The following DCHS2 variants were observed in gnomAD, a reference collection of about 807,000 sequenced individuals.
DCHS2 encodes protocadherin-23.
A neutral mutation model predicts 182.4 loss-of-function variants in DCHS2; 142 were observed. That is an observed-to-expected ratio of 0.78 (90% CI 0.68 to 0.89). DCHS2 has a LOEUF of 0.89. DCHS2 is among the 40% of genes least tolerant of loss of function. The pLI, the probability that DCHS2 is intolerant of heterozygous loss-of-function variation, is 0.00. For missense variants in DCHS2, 4,319 were observed against 4,198.6 expected (o/e 1.03, Z -0.79); for synonymous variants, 1,740 against 1,663.3 (o/e 1.05, Z -1.12).
rs115444341 is a variant in DCHS2, at chr4:154,410,252, T to C, written c.2053-32808A>G. ...TCAGCAACATACAAGAGAATACAGA[T>C]AGAAAATTCAATAAAATCAAGAAAA... On this transcript the variant is annotated intron_variant, in intron 1 of 19. Transcript: ENST00000357232. Among the ~76,000 whole-genome samples the C allele has an allele frequency of 6.8e-3, 1,030 of 151,782 alleles. 9 individuals are homozygous for C. The highest frequency in any genetic ancestry group is 0.024 in the African/African-American group (977 of 41,392).
intron 13 of DCHS2, chr4:154,272,145 C>A (rs1388962162): frequency 2.0e-5 from 3 of 151,972 alleles, no homozygotes; most frequent in Admixed American, 2.0e-4. Context: ...TGGAAAACCA[C>A]AATTTCTTTT....
In DCHS2 at chr4:154,233,113, C is replaced by CCTAA. The variant is rs761872201; in HGVS notation, c.*1419_*1422dup. 1.1e-4 allele frequency: 16 copies of CCTAA among 152,256 alleles called. No individual in the cohort carries two copies. Among genetic ancestry groups the CCTAA allele is most frequent in the Admixed American group, 3.3e-4 (5 of 15,280 alleles). 9.4% of individuals were successfully genotyped at this position (152,256 alleles called of 1,614,324 possible). Reference sequence around the variant, plus strand: ...AACTATATCTGTAGTAGAAGCCCATCCTAACTACTAAGAAAGCCACACGAT... The same window carrying CCTAA: ...AACTATATCTGTAGTAGAAGCCCATCCTAACTAACTACTAAGAAAGCCACACGAT... On this transcript the variant is annotated 3_prime_UTR_variant, in exon 20 of 20. Transcript: ENST00000357232.
At chr4:154,295,549 G>A (rs999400910) in intron 13 of DCHS2, among the ~76,000 whole-genome samples, 6 of 152,142 alleles carry the variant, frequency 3.9e-5, no homozygotes, top group Admixed American at 3.3e-4. Flanking sequence ...AAGACATACC[G>A]TAGGCCCCTA....
At chr4:154,278,948 G>C (rs2111228988) in intron 13 of DCHS2, among the ~76,000 whole-genome samples, 1 of 152,074 alleles carries the variant, frequency 6.6e-6, no homozygotes, top group Admixed American at 6.5e-5. Context: ...AATATATACA[G>C]CACTTGTAAA....
intron 1 of DCHS2, among the ~76,000 whole-genome samples, chr4:154,414,196 T>TATATAG (rs1553949667): frequency 4.1e-5 from 6 of 145,668 alleles, no homozygotes; most frequent in African/African-American, 1.3e-4. Flanking sequence ...TATATATATA[T>TATATAG]AGAGAGAGAG....
chr4:154,407,832 G>A (rs563815529), intron 1 of DCHS2, among the ~76,000 whole-genome samples: 1 of 152,278 alleles, frequency 6.6e-6, no homozygotes, highest in African/African-American at 2.4e-5. Flanking sequence ...CTATTGGTAG[G>A]TCAGAGCAAA....
chr4:154,269,174 C>A (rs1380054647), intron 14 of DCHS2: 3 of 152,164 alleles, frequency 2.0e-5, no homozygotes, highest in Non-Finnish European at 4.4e-5. Context: ...AGTCATAACA[C>A]CACCCTGGAT....
chr4:154,286,277 A>G (rs1734395238), intron 13 of DCHS2, among the ~76,000 whole-genome samples: 1 of 151,934 alleles, frequency 6.6e-6, no homozygotes, highest in Admixed American at 6.6e-5. Context: ...ATAAATACCT[A>G]CTCTTCAATA....
intron 2 of DCHS2, among the ~76,000 whole-genome samples, chr4:154,373,597 C>T (rs1040938475): frequency 2.6e-5 from 4 of 152,134 alleles, no homozygotes; most frequent in African/African-American, 9.7e-5. Context: ...GATGTGGAGG[C>T]TCTTCTAGAA....
At chr4:154,472,428 G>C (rs1018740712) in intron 1 of DCHS2, among the ~76,000 whole-genome samples, 9 of 152,138 alleles carry the variant, frequency 5.9e-5, no homozygotes, top group Admixed American at 4.6e-4. Flanking sequence ...CAGCTAGCAG[G>C]TAACAATTAA....
At chr4:154,297,039 T>C (rs1734957057) in intron 13 of DCHS2, among the ~76,000 whole-genome samples, 1 of 152,196 alleles carries the variant, frequency 6.6e-6, no homozygotes, top group African/African-American at 2.4e-5. Context: ...AATCTTCTGG[T>C]GTCTAAAATA....
chr4:154,374,002 CAAAAAA>C (rs35401379), intron 2 of DCHS2: 6,768 of 590,030 alleles, frequency 0.011, 7 homozygotes, highest in African/African-American at 0.022. Flanking sequence ...ATTTTAATAG[CAAAAAA>C]AAAAAAAAAA....
intron 1 of DCHS2, among the ~76,000 whole-genome samples, chr4:154,439,141 A>C (rs1017866042): frequency 6.6e-6 from 1 of 152,184 alleles, no homozygotes; most frequent in Non-Finnish European, 1.5e-5. Flanking sequence ...ACATTTCCCT[A>C]CTAATGGACA....
intron 3 of DCHS2, among the ~76,000 whole-genome samples, chr4:154,351,325 G>T (rs1035748836): frequency 1.1e-4 from 16 of 152,150 alleles, no homozygotes; most frequent in African/African-American, 2.9e-4. Flanking sequence ...TTTGGAGGGG[G>T]TTGTAGTCTA....
intron 1 of DCHS2, among the ~76,000 whole-genome samples, chr4:154,471,623 AAG>A (rs1014722637): frequency 6.6e-6 from 1 of 152,090 alleles, no homozygotes; most frequent in Non-Finnish European, 1.5e-5. Context: ...GCACAATCCT[AAG>A]AGGACATCTG....
chr4:154,470,708 TTAAC>T (rs1305450486), intron 1 of DCHS2, among the ~76,000 whole-genome samples: 1 of 152,208 alleles, frequency 6.6e-6, no homozygotes, highest in Non-Finnish European at 1.5e-5. Flanking sequence ...TCCTAAAAGT[TTAAC>T]TAATACCTGT....
intron 1 of DCHS2, among the ~76,000 whole-genome samples, chr4:154,410,194 A>T (rs1023073248): frequency 2.0e-5 from 3 of 151,620 alleles, no homozygotes; most frequent in African/African-American, 7.2e-5. Context: ...AAATTGCCTG[A>T]AAAAAAATTT....
intron 1 of DCHS2, among the ~76,000 whole-genome samples, chr4:154,401,144 A>G (rs963666567): frequency 6.6e-6 from 1 of 152,224 alleles, no homozygotes; most frequent in East Asian, 1.9e-4. Context: ...TTAACTTTAC[A>G]TAATGAGATC....
chr4:154,274,473 G>A (rs1194041556), intron 13 of DCHS2, among the ~76,000 whole-genome samples: 1 of 152,130 alleles, frequency 6.6e-6, no homozygotes, highest in Non-Finnish European at 1.5e-5. Context: ...TCATCTGCCT[G>A]CTTAAATTGG....
Sources: gnomAD v4.1 joint callset for allele counts (sites outside exome capture counted in the v4.1 genomes callset) on GRCh38, gnomAD v4.1.1 for gene constraint, MANE v1.5 for transcripts, NCBI Gene and HGNC (gene_info 2026-07-23, HGNC 2026-07-21) for gene names.